ANKRD44: variants seen among roughly 807,000 people sequenced by gnomAD.
The protein encoded by ANKRD44 is ankyrin repeat domain 44, also known as serine/threonine-protein phosphatase 6 regulatory ankyrin repeat subunit B.
A neutral mutation model predicts 116.0 loss-of-function variants in ANKRD44; 35 were observed. That is an observed-to-expected ratio of 0.30 (90% CI 0.23 to 0.40). ANKRD44 has a LOEUF of 0.40. Ranked by LOEUF, ANKRD44 falls within the 10% of genes least tolerant of loss-of-function variation. The probability of loss-of-function intolerance (pLI) is 1.00; values close to 1 mark genes in which losing one functional copy is unlikely to be tolerated. For missense variants in ANKRD44, 1,014 were observed against 1,242.6 expected, an observed-to-expected ratio of 0.82 and a Z score of 2.77; for synonymous variants, 435 against 461.8, an observed-to-expected ratio of 0.94 and a Z score of 0.74.
At chr2:197,308,701 AG>A (rs143661682) in intron 1 of ANKRD44, among the ~76,000 whole-genome samples, 150 of 152,394 alleles carry the variant, frequency 9.8e-4, no homozygotes, top group African/African-American at 3.4e-3. Flanking sequence ...ACATCTTAAA[AG>A]GCAACATCTT....
chr2:197,160,645 G>A (rs1050391565), intron 2 of ANKRD44, among the ~76,000 whole-genome samples: 3 of 152,112 alleles, frequency 2.0e-5, no homozygotes, highest in African/African-American at 4.8e-5. Context: ...TCCCCTGGTA[G>A]AATCCCCTAA....
intron 13 of ANKRD44, among the ~76,000 whole-genome samples, 160 bp downstream of exon 13, chr2:197,086,520 T>C (rs1282141452): frequency 6.6e-6 from 1 of 152,206 alleles, no homozygotes; most frequent in Non-Finnish European, 1.5e-5. Context: ...TGTTATTTGC[T>C]TTGTTGGCAA....
chr2:197,072,046 A>AGAAGGAAGGAAGGAAGGAAG (rs60306279), intron 16 of ANKRD44, among the ~76,000 whole-genome samples: 75 of 111,294 alleles, frequency 6.7e-4, no homozygotes, highest in African/African-American at 1.8e-3. Flanking sequence ...GAGGGAGGAA[A>AGAAGGAAGGAAGGAAGGAAG]GAAGGAAGGA....
At chr2:197,281,973 G>T (rs2083276959) in intron 1 of ANKRD44, among the ~76,000 whole-genome samples, 1 of 152,166 alleles carries the variant, frequency 6.6e-6, no homozygotes, top group Admixed American at 6.5e-5. Context: ...GTAACTGCAG[G>T]ACAGCCGTGG....
chr2:197,105,382 G>T (rs2078402039), intron 9 of ANKRD44, among the ~76,000 whole-genome samples: 1 of 152,076 alleles, frequency 6.6e-6, no homozygotes, highest in African/African-American at 2.4e-5. Context: ...CAAAGTGCTG[G>T]GATTACAAGC....
At chr2:197,207,217 G>A (rs1390629214) in intron 1 of ANKRD44, among the ~76,000 whole-genome samples, 1 of 152,146 alleles carries the variant, frequency 6.6e-6, no homozygotes, top group Non-Finnish European at 1.5e-5. Flanking sequence ...GAGGGAAGGG[G>A]GCAGGTGTCT....
intron 6 of ANKRD44, 119 bp from the exon 7 acceptor site, chr2:197,122,911 GT>G (rs1375280886): frequency 8.0e-7 from 1 of 1,250,930 alleles, no homozygotes; most frequent in African/African-American, 1.5e-5. Flanking sequence ...TGAGTTATTT[GT>G]AAAAAGCTGG....
At chr2:197,305,967 T>TATATATATATATATATATATA (rs2084057380) in intron 1 of ANKRD44, among the ~76,000 whole-genome samples, 2 of 124,736 alleles carry the variant, frequency 1.6e-5, no homozygotes, top group African/African-American at 7.3e-5. Context: ...GCAGTTCGTT[T>TATATATATATATATATATATA]TATATATATA....
intron 1 of ANKRD44, among the ~76,000 whole-genome samples, chr2:197,255,770 G>A (rs996213411): frequency 6.6e-6 from 1 of 152,220 alleles, no homozygotes; most frequent in African/African-American, 2.4e-5. Flanking sequence ...GCCAGCCAGA[G>A]CCAGTAGGGC....
rs1559208696 is a variant in ANKRD44, at chr2:197,274,012, T to TAG, written c.27+36565_27+36566insCT. Among the ~76,000 whole-genome samples, 731 of 81,608 alleles carry TAG rather than the reference T, an allele frequency of 9.0e-3. 61 individuals carry two copies. The highest frequency in any genetic ancestry group is 0.029 in the African/African-American group (629 of 21,770). The allele number at this position is 81,608 out of a possible 152,430, so 53.5% of individuals were successfully genotyped here. A position where few individuals can be genotyped will look rare whatever the true frequency, so the allele number is the denominator to read the frequency against. ...ATATATATATATATATATATATATA[T>TAG]ATATATATATATATATGAATCAGAC... On this transcript the variant is annotated intron_variant, in intron 1 of 27. Coordinates refer to ENST00000282272, the MANE Select transcript of ANKRD44 (RefSeq NM_001195144.2).
At chr2:197,020,796 GGAGT>G (rs1161530130) in intron 17 of ANKRD44, among the ~76,000 whole-genome samples, 5,449 of 151,146 alleles carry the variant, frequency 0.036, 337 homozygotes, top group African/African-American at 0.13. Context: ...AATTATATAT[GGAGT>G]TTTTTATTAT....
intron 21 of ANKRD44, among the ~76,000 whole-genome samples, chr2:197,003,399 C>T (rs564607323): frequency 6.6e-6 from 1 of 152,278 alleles, no homozygotes; most frequent in African/African-American, 2.4e-5. Context: ...GTCCCAGACA[C>T]CTCAAGTCTT....
At chr2:197,003,620 G>T (rs1417394604) in intron 21 of ANKRD44, among the ~76,000 whole-genome samples, 2 of 152,144 alleles carry the variant, frequency 1.3e-5, no homozygotes, top group South Asian at 4.2e-4. Flanking sequence ...AACGGCTTAG[G>T]AGGAGACTGC....
chr2:197,253,365 A>G (rs531234709), intron 1 of ANKRD44, among the ~76,000 whole-genome samples: 51 of 152,338 alleles, frequency 3.3e-4, no homozygotes, highest in African/African-American at 1.1e-3. Context: ...TAGGATATCA[A>G]TAAACATAGT....
chr2:197,310,525 T>C (rs1307959662), intron 1 of ANKRD44, 53 bp downstream of exon 1: 8 of 1,016,930 alleles, frequency 7.9e-6, no homozygotes, highest in African/African-American at 1.8e-5. Context: ...CCCGCCGGGC[T>C]CCGCGCCGCC....
chr2:197,295,792 G>A (rs1004885168), intron 1 of ANKRD44, among the ~76,000 whole-genome samples: 1 of 152,180 alleles, frequency 6.6e-6, no homozygotes, highest in African/African-American at 2.4e-5. Context: ...ACGGTGGTTT[G>A]CTCTTTCCTA....
chr2:197,198,513 C>T (rs545475914), intron 1 of ANKRD44, among the ~76,000 whole-genome samples: 87 of 152,192 alleles, frequency 5.7e-4, no homozygotes, highest in African/African-American at 2.1e-3. Context: ...TAAATTTGAC[C>T]GGGCATGGTG....
At chr2:197,244,275 A>T (rs1418573298) in intron 1 of ANKRD44, among the ~76,000 whole-genome samples, 1 of 152,218 alleles carries the variant, frequency 6.6e-6, no homozygotes, top group Admixed American at 6.5e-5. Context: ...TTAAGCAACT[A>T]CGTATAGTGT....
intron 4 of ANKRD44, 120 bp downstream of exon 4, chr2:197,136,472 A>G: frequency 5.7e-6 from 5 of 872,656 alleles, no homozygotes; most frequent in Non-Finnish European, 7.4e-6. Flanking sequence ...CATTTTGGGT[A>G]ACCCTCTTAC....
Sources: gnomAD v4.1 joint callset for allele counts (sites outside exome capture counted in the v4.1 genomes callset) on GRCh38, gnomAD v4.1.1 for gene constraint, MANE v1.5 for transcripts, NCBI Gene and HGNC (gene_info 2026-07-23, HGNC 2026-07-21) for gene names.